TLE2: variants seen among roughly 807,000 people sequenced by gnomAD.
TLE2 encodes the protein TLE family member 2, transcriptional corepressor.
TLE2 carries 74 observed loss-of-function variants against 97.2 expected under a neutral mutation model. The observed-to-expected ratio is 0.76, with a 90% CI of 0.63 to 0.92. The LOEUF (loss-of-function observed/expected upper bound fraction) is 0.92. Among genes scored for constraint, TLE2 ranks in the 40% least tolerant of loss-of-function variants. The pLI, the probability that TLE2 is intolerant of heterozygous loss-of-function variation, is 0.00. For synonymous variants in TLE2, 499 were observed against 432.1 expected (o/e 1.15, Z -1.92); for missense variants, 1,038 against 1,008.7 (o/e 1.03, Z -0.39).
chr19:3,021,032 T>A (rs989944492), intron 5 of TLE2, among the ~76,000 whole-genome samples: 4 of 133,462 alleles, frequency 3.0e-5, no homozygotes, highest in Admixed American at 2.8e-4. Context: ...CAGGTTGCAG[T>A]GAGCCAAGAT....
intron 1 of TLE2, among the ~76,000 whole-genome samples, chr19:3,036,375 G>T (rs1253616258): frequency 1.3e-5 from 2 of 152,052 alleles, no homozygotes; most frequent in African/African-American, 4.8e-5. Context: ...GCCAGCTCCC[G>T]CTCCCTCCCT....
At chr19:3,039,632 CTG>C (rs1217483137) in intron 1 of TLE2, among the ~76,000 whole-genome samples, 5 of 152,208 alleles carry the variant, frequency 3.3e-5, no homozygotes, top group Non-Finnish European at 7.3e-5. Context: ...CTGCTCCCTC[CTG>C]TGTGTACGGT....
At chr19:3,035,612 G>A (rs1277186360) in intron 1 of TLE2, among the ~76,000 whole-genome samples, 1 of 152,056 alleles carries the variant, frequency 6.6e-6, no homozygotes, top group African/African-American at 2.4e-5. Context: ...CAGCCTGGCC[G>A]CCCCAGCTAC....
chr19:3,003,672 G>A (rs570288177), intron 17 of TLE2, among the ~76,000 whole-genome samples: 3 of 140,766 alleles, frequency 2.1e-5, no homozygotes, highest in Admixed American at 8.0e-5. Context: ...GACAGACCAG[G>A]CCTAGGAGAC....
upstream of TLE2, among the ~76,000 whole-genome samples, chr19:3,030,932 C>T (rs1309352202): frequency 7.4e-6 from 1 of 134,262 alleles, no homozygotes; most frequent in Non-Finnish European, 1.5e-5. Context: ...GCCTGGGTGA[C>T]AGAGCAGGAC....
Position 3,040,996 on chromosome 19 carries a change from T to TATATATATATATATATATATATATAC in TLE2, c.63+4729_63+4730insGTATATATATATATATATATATATAT, listed in dbSNP as rs1568256459. On this transcript the variant is annotated intron_variant, in intron 1 of 18. Transcript: ENST00000426948. ...ATGACAGCCTCTGCTGCCATTTATA[T>TATATATATATATATATATATATATAC]ATATATATATATATATATTTTTTTT... Among the ~76,000 whole-genome samples the TATATATATATATATATATATATATAC allele has an allele frequency of 3.2e-4, 9 of 27,790 alleles. 1 individual carries two copies. Among genetic ancestry groups the TATATATATATATATATATATATATAC allele is most frequent in the African/African-American group, 2.1e-3 (9 of 4,386 alleles). The allele number at this position is 27,790 out of a possible 152,430, so 18.2% of individuals were successfully genotyped here. A position where few individuals can be genotyped will look rare whatever the true frequency, so the allele number is the denominator to read the frequency against.
At chr19:3,016,282 T>C (rs1488045721) in intron 8 of TLE2, among the ~76,000 whole-genome samples, 1 of 149,880 alleles carries the variant, frequency 6.7e-6, no homozygotes, top group Non-Finnish European at 1.5e-5. Context: ...TATTTCAAAA[T>C]TAAACCATTT....
At chr19:3,026,866 AACTCTGAGGTCTATCTCTG>A (rs2089954944) in intron 4 of TLE2, among the ~76,000 whole-genome samples, 1 of 151,884 alleles carries the variant, frequency 6.6e-6, no homozygotes, top group African/African-American at 2.4e-5. Context: ...TCTATCTCAG[AACTCTGAGGTCTATCTCTG>A]ACCCTTGAGG....
chr19:3,008,754 A>C, intron 14 of TLE2, 115 bp downstream of exon 14: 1 of 821,530 alleles, frequency 1.2e-6, no homozygotes, highest in Non-Finnish European at 1.8e-6. Flanking sequence ...CCCGGCCCAC[A>C]CAAGAGACTT....
rs1303584586 is a variant in TLE2, at chr19:3,017,843, G to A, written c.567C>T (p.Ser189=). 6.2e-7 allele frequency: 1 copy of A among 1,612,348 alleles called. No homozygotes were observed. ...TCCCAGGGTGCCACTCACTTACCCT[G>A]CTCGGGGCTCTCTCCACTGACAGAT... is the stretch of plus-strand genomic sequence containing the variant. The part of the protein sequence containing the change: ...AEGSRVERAP[S]RSASPSPPES... The change falls in exon 8 of 20, where the codon AGC becomes AGT. Residue 189 remains serine, a synonymous_variant. Coordinates refer to ENST00000262953, the MANE Select transcript of TLE2 (RefSeq NM_003260.5).
chr19:3,037,937 C>T (rs1250154555), intron 1 of TLE2, among the ~76,000 whole-genome samples: 1 of 152,008 alleles, frequency 6.6e-6, no homozygotes, highest in Non-Finnish European at 1.5e-5. Flanking sequence ...GCCTGGTCAA[C>T]GTGGGGAAAC....
At chr19:3,040,955 C>G (rs1568256422) in intron 1 of TLE2, among the ~76,000 whole-genome samples, 1 of 141,146 alleles carries the variant, frequency 7.1e-6, no homozygotes, top group Non-Finnish European at 1.5e-5. Context: ...TGTCACCAAC[C>G]CCAGAGTGGC....
At chr19:3,001,144 G>A (rs949273743) in intron 18 of TLE2, among the ~76,000 whole-genome samples, 1 of 151,982 alleles carries the variant, frequency 6.6e-6, no homozygotes, top group African/African-American at 2.4e-5. Context: ...ATTGTGGCAG[G>A]CACCTGTAAC....
At chr19:3,006,238 A>AGT (rs2089474213) in intron 15 of TLE2, 182 bp downstream of exon 15, 3 of 1,128,808 alleles carry the variant, frequency 2.7e-6, no homozygotes, top group African/African-American at 1.5e-5. Flanking sequence ...CAGATTGGCC[A>AGT]GAGCCCCACC....
intron 5 of TLE2, among the ~76,000 whole-genome samples, chr19:3,020,817 G>A (rs772091289): frequency 2.6e-5 from 4 of 152,070 alleles, no homozygotes; most frequent in Non-Finnish European, 4.4e-5. Context: ...CGGGCGCGGC[G>A]GCTCATGCCT....
At chr19:3,032,394 C>T (rs540291312), upstream of TLE2, among the ~76,000 whole-genome samples, 8 of 152,150 alleles carry the variant, frequency 5.3e-5, no homozygotes, top group South Asian at 4.2e-4. This position sits in a 1 kb window ranked among gnomAD's most constrained non-coding sequence, Gnocchi z 4.1. Context: ...CCCACCACCA[C>T]GCCTGGCTAA....
intron 17 of TLE2, 110 bp downstream of exon 17, chr19:3,005,327 G>A (rs1396641005): frequency 1.4e-6 from 2 of 1,394,576 alleles, no homozygotes; most frequent in Admixed American, 2.5e-5. Flanking sequence ...CACCACAGCA[G>A]ATGGGAGTCC....
rs1434949547 is a variant in TLE2, at chr19:3,009,648, C to T, written c.1067G>A (p.Gly356Asp). Residue 356 changes from glycine to aspartate, a missense_variant, in exon 13 of 20, where the codon GGC (glycine) becomes GAC (aspartate). By Grantham distance (94) the Gly-to-Asp change is moderately conservative. Coordinates refer to ENST00000262953, the MANE Select transcript of TLE2 (RefSeq NM_003260.5). ...SSPFTTSFSL[G>D]SHSTLNGDLS... The stretch of plus-strand genomic sequence containing the variant: ...GTCTCCGTTGAGAGTGCTGTGGGAG[C>T]CCAGGCTGAAGGACGTGGTGAAGGG... 4 of 1,612,858 alleles carry T rather than the reference C, an allele frequency of 2.5e-6. No homozygotes were observed. In the Admixed American group the frequency reaches 5.0e-5, roughly 20 times the overall value.
Position 3,039,621 on chromosome 19 carries a change from T to C in TLE2, c.63+6105A>G, listed in dbSNP as rs1471016096. ...CTCGTGGCTCTGGGAACACATACTA[T>C]CTGCTCCCTCCTGTGTGTACGGTCT... On this transcript the variant is annotated intron_variant, in intron 1 of 18. Transcript: ENST00000426948. 3.3e-5 allele frequency among the ~76,000 whole-genome samples: 5 copies of C among 152,254 alleles called. No individual in the cohort carries two copies. The South Asian group carries it at 1.0e-3, about 32-fold the overall frequency.
Sources: gnomAD v4.1 joint callset for allele counts (sites outside exome capture counted in the v4.1 genomes callset) on GRCh38, gnomAD v4.1.1 for gene constraint, Gnocchi (gnomAD v3.1) non-coding constraint, MANE v1.5 for transcripts, NCBI Gene and HGNC (gene_info 2026-07-23, HGNC 2026-07-21) for gene names.